Variants in DOCK4 observed in about 807,000 individuals in gnomAD.
DOCK4 encodes dedicator of cytokinesis 4.
A neutral mutation model predicts 268.1 loss-of-function variants in DOCK4; 97 were observed. That is an observed-to-expected ratio of 0.36 (90% CI 0.31 to 0.43). The LOEUF is 0.43. Among genes scored for constraint, DOCK4 ranks in the 20% least tolerant of loss-of-function variants. The pLI, the probability that DOCK4 is intolerant of heterozygous loss-of-function variation, is 1.00. For synonymous variants in DOCK4, 954 were observed against 887.2 expected, an observed-to-expected ratio of 1.08 and a Z score of -1.34; for missense variants, 2,145 against 2,455.7, an observed-to-expected ratio of 0.87 and a Z score of 2.67.
At chr7:111,969,214 A>T (rs1478157710) in intron 8 of DOCK4, among the ~76,000 whole-genome samples, 1 of 151,768 alleles carries the variant, frequency 6.6e-6, no homozygotes, top group Non-Finnish European at 1.5e-5. Context: ...GTATAATAAA[A>T]AAAAAAAAAA....
chr7:111,757,031 G>C (rs1797067300), intron 41 of DOCK4, among the ~76,000 whole-genome samples: 1 of 152,002 alleles, frequency 6.6e-6, no homozygotes, highest in Admixed American at 6.6e-5. Flanking sequence ...GAGTTTGCCA[G>C]GAGGAGAGTG....
At chr7:111,792,339 T>C (rs777294150) in intron 30 of DOCK4, among the ~76,000 whole-genome samples, 1 of 152,198 alleles carries the variant, frequency 6.6e-6, no homozygotes, top group Non-Finnish European at 1.5e-5. Context: ...CACTGTAGAT[T>C]CACAGTGCAT....
chr7:111,762,995 TG>T (rs1210456973), intron 39 of DOCK4, among the ~76,000 whole-genome samples: 3 of 151,950 alleles, frequency 2.0e-5, no homozygotes, highest in African/African-American at 7.3e-5. Context: ...CTTGAACTCC[TG>T]GGCTCAAGTG....
intron 49 of DOCK4, among the ~76,000 whole-genome samples, chr7:111,738,118 C>T (rs1465422163): frequency 2.6e-5 from 4 of 152,174 alleles, no homozygotes; most frequent in Admixed American, 1.3e-4. Context: ...ATCTTTAAAA[C>T]TCAGGGCTAC....
At chr7:112,048,674 A>G (rs1432321638) in intron 1 of DOCK4, among the ~76,000 whole-genome samples, 3 of 152,052 alleles carry the variant, frequency 2.0e-5, no homozygotes, top group Non-Finnish European at 2.9e-5. Flanking sequence ...TACAATCAAG[A>G]ATCAATTTCT....
intron 1 of DOCK4, among the ~76,000 whole-genome samples, chr7:112,184,552 C>A (rs1819328995): frequency 6.6e-6 from 1 of 152,016 alleles, no homozygotes; most frequent in African/African-American, 2.4e-5. Context: ...GCAAAAGGTA[C>A]AAGCTACTAA....
rs1206993182 is a variant in DOCK4, at chr7:111,919,113, AC to A, written c.1067-3210del. On this transcript the variant is annotated intron_variant, in intron 12 of 52. Coordinates refer to ENST00000428084, the MANE Select transcript of DOCK4 (RefSeq NM_001363540.2). ...TTAACCAGCAGCGACTTTAAAAAAA[AC>A]AAAAACAAAACAAAAAACAAAAACA... Among the ~76,000 whole-genome samples, 3 of 140,938 alleles carry A rather than the reference AC, an allele frequency of 2.1e-5. No individual in the cohort carries two copies. In the Admixed American group the frequency reaches 2.2e-4, roughly 10 times the overall value. The allele number at this position is 140,938 out of a possible 152,430, so 92.5% of individuals were successfully genotyped here.
chr7:111,974,612 G>A (rs1798026306), intron 8 of DOCK4, among the ~76,000 whole-genome samples: 1 of 150,294 alleles, frequency 6.7e-6, no homozygotes, highest in South Asian at 2.1e-4. Flanking sequence ...CAAAAGGGGA[G>A]GGTGAAGGCA....
intron 52 of DOCK4, among the ~76,000 whole-genome samples, chr7:111,731,084 A>G (rs1795053199): frequency 1.3e-5 from 2 of 152,214 alleles, no homozygotes; most frequent in Non-Finnish European, 2.9e-5. Context: ...CATCGAGGTG[A>G]CAGGCTATGA....
intron 1 of DOCK4, among the ~76,000 whole-genome samples, chr7:112,145,676 TCTA>T (rs1384875809): frequency 6.6e-6 from 1 of 152,152 alleles, no homozygotes; most frequent in African/African-American, 2.4e-5. Flanking sequence ...TCAACCTCCC[TCTA>T]GTAAGCCTTG....
rs779281134 is a variant in DOCK4, at chr7:111,790,450, T to C, written c.3315+7A>G. On this transcript the variant is annotated splice_region_variant and intron_variant, in intron 31 of 52. Transcript: ENST00000428084. Reference sequence around the variant, plus strand: ...TTCCAACTCTTCTGAGGAGCACTTCTGCCTACCTGTTTAAAGTTGCCACTC... The same window carrying C: ...TTCCAACTCTTCTGAGGAGCACTTCCGCCTACCTGTTTAAAGTTGCCACTC... The C allele has an allele frequency of 1.9e-6, 3 of 1,613,404 alleles. No individual in the cohort carries two copies. In the East Asian group the frequency reaches 6.7e-5, roughly 36 times the overall value.
At chr7:112,045,647 G>A (rs751457561) in intron 1 of DOCK4, among the ~76,000 whole-genome samples, 2 of 152,190 alleles carry the variant, frequency 1.3e-5, no homozygotes, top group Admixed American at 1.3e-4. Context: ...TTGAAACTTA[G>A]CACTTGCCTG....
chr7:112,109,744 C>CTTTT (rs36043991), intron 1 of DOCK4, among the ~76,000 whole-genome samples: 2 of 115,180 alleles, frequency 1.7e-5, no homozygotes, highest in South Asian at 2.8e-4. Flanking sequence ...GTAAAATCAT[C>CTTTT]TTTTTTTTTT....
At chr7:112,083,557 T>A (rs1459548102) in intron 1 of DOCK4, among the ~76,000 whole-genome samples, 1 of 151,780 alleles carries the variant, frequency 6.6e-6, no homozygotes, top group Non-Finnish European at 1.5e-5. Flanking sequence ...ATGATTAAGG[T>A]AAATAAAATA....
Position 111,758,858 on chromosome 7 carries a change from C to T in DOCK4, c.4163-68G>A, listed in dbSNP as rs536292143. ...CCATGGAAGTCTGGCTTGGGCTGAG[C>T]TATGGCAGAGAGAAGAGGATGGGTA... On this transcript the variant is annotated intron_variant, in intron 40 of 52. Coordinates refer to ENST00000428084, the MANE Select transcript of DOCK4 (RefSeq NM_001363540.2). The T allele has an allele frequency of 8.4e-4, 1,236 of 1,470,684 alleles. 22 individuals carry two copies. The South Asian group carries it at 0.013, about 16-fold the overall frequency. 91.1% of individuals were successfully genotyped at this position (1,470,684 alleles called of 1,614,324 possible).
rs1463333674 is a variant in DOCK4 at position 111,990,889 on chromosome 7, T to A, written c.316-1726A>T. On this transcript the variant is annotated intron_variant, in intron 5 of 52. Coordinates refer to ENST00000428084, the MANE Select transcript of DOCK4 (RefSeq NM_001363540.2). ...AGAATGCATGAATGAATAGCTTGATTTACACATGTTAATTTTTGTGGATCT... is the reference window on the plus strand; with the variant it reads ...AGAATGCATGAATGAATAGCTTGATATACACATGTTAATTTTTGTGGATCT... Among the ~76,000 whole-genome samples, 16 of 152,328 alleles carry A rather than the reference T, an allele frequency of 1.1e-4. No homozygotes were observed. In the East Asian group the frequency reaches 2.9e-3, roughly 28 times the overall value.
In DOCK4 at chr7:112,010,953, C is replaced by A. The variant is rs547807610; in HGVS notation, c.38-6822G>T. Among the ~76,000 whole-genome samples, 3 of 152,320 alleles carry A rather than the reference C, an allele frequency of 2.0e-5. No homozygotes were observed. In the East Asian group the frequency reaches 5.8e-4, roughly 29 times the overall value. On this transcript the variant is annotated intron_variant, in intron 1 of 52. Coordinates refer to ENST00000428084, the MANE Select transcript of DOCK4 (RefSeq NM_001363540.2). Reference sequence around the variant, plus strand: ...CCAAGGCAAAGCATGGTGGTAGGTACTGTGATGCCCCTCCCAGATCCTTCT... The same window carrying A: ...CCAAGGCAAAGCATGGTGGTAGGTAATGTGATGCCCCTCCCAGATCCTTCT...
At chr7:111,972,306 C>T (rs897001443) in intron 8 of DOCK4, among the ~76,000 whole-genome samples, 13 of 151,500 alleles carry the variant, frequency 8.6e-5, no homozygotes, top group Non-Finnish European at 1.9e-4. Context: ...GGCCAGAGCA[C>T]GGGGTCTGCA....
At chr7:111,850,268 G>A (rs1435304541) in intron 23 of DOCK4, among the ~76,000 whole-genome samples, 3 of 152,022 alleles carry the variant, frequency 2.0e-5, no homozygotes, top group African/African-American at 7.3e-5. Context: ...CGAGAATCCT[G>A]TTAGGTCACT....
Sources: allele counts gnomAD v4.1 joint callset (sites outside exome capture counted in the v4.1 genomes callset), GRCh38; gene constraint gnomAD v4.1.1; transcripts MANE v1.5; gene names NCBI Gene and HGNC (gene_info 2026-07-23, HGNC 2026-07-21).